Variants in CACNA1D observed in about 807,000 individuals in gnomAD.
CACNA1D encodes voltage-dependent L-type calcium channel subunit alpha-1D.
In CACNA1D, 55 loss-of-function variants were observed where a neutral mutation model predicts 257.1. The ratio of observed to expected loss-of-function variants is 0.21; its 90% CI spans 0.17 to 0.27. The LOEUF (loss-of-function observed/expected upper bound fraction) is 0.27, where lower values mean the gene tolerates loss of function less well. Among genes scored for constraint, CACNA1D ranks in the 10% least tolerant of loss-of-function variants. The pLI is 1.00. For synonymous variants in CACNA1D, 980 were observed against 1,014.9 expected (o/e 0.97, Z 0.65); for missense variants, 1,876 against 2,784.0 (o/e 0.67, Z 7.34).
rs182797116 is a variant in CACNA1D, at chr3:53,769,959, T to C, written c.3871-14T>C. 1.0e-5 allele frequency: 16 copies of C among 1,606,266 alleles called. No individual in the cohort carries two copies. Among genetic ancestry groups the C allele is most frequent in the Non-Finnish European group, 1.4e-5 (16 of 1,172,756 alleles). On this transcript the variant is annotated splice_polypyrimidine_tract_variant and intron_variant, in intron 30 of 47. Transcript: ENST00000350061. ...TGGTTCATTAATCCATTTTCAATCT[T>C]TGATTTCTTAAAGCCAACTGAAAGT...
intron 7 of CACNA1D, among the ~76,000 whole-genome samples, chr3:53,672,197 C>T (rs368522723): frequency 3.5e-4 from 54 of 152,306 alleles, no homozygotes; most frequent in African/African-American, 1.2e-3. Context: ...CCTTTCACCT[C>T]TAAACCCAGT....
chr3:53,718,042 T>C (rs2094838246), intron 9 of CACNA1D, among the ~76,000 whole-genome samples: 1 of 152,170 alleles, frequency 6.6e-6, no homozygotes, highest in African/African-American at 2.4e-5. Context: ...TAGCTTCCTT[T>C]CTTGGAAATG....
intron 3 of CACNA1D, among the ~76,000 whole-genome samples, chr3:53,535,878 A>G (rs2107485931): frequency 6.6e-6 from 1 of 152,338 alleles, no homozygotes; most frequent in African/African-American, 2.4e-5. Flanking sequence ...ATTTTAGCAC[A>G]GAGATAGCAT....
At chr3:53,783,262 T>A (rs987771721) in intron 39 of CACNA1D, among the ~76,000 whole-genome samples, 1 of 152,066 alleles carries the variant, frequency 6.6e-6, no homozygotes, top group Non-Finnish European at 1.5e-5. Flanking sequence ...CCTCGGAGGG[T>A]GTCATTTGCA....
At chr3:53,624,538 G>T (rs1273852197) in intron 3 of CACNA1D, among the ~76,000 whole-genome samples, 1 of 152,050 alleles carries the variant, frequency 6.6e-6, no homozygotes, top group Non-Finnish European at 1.5e-5. Flanking sequence ...CCCTCTCCCT[G>T]CCAGCCCCAG....
At chr3:53,613,030 G>A (rs1189684026) in intron 3 of CACNA1D, among the ~76,000 whole-genome samples, 1 of 152,078 alleles carries the variant, frequency 6.6e-6, no homozygotes, top group African/African-American at 2.4e-5. Context: ...AGGATTAAAG[G>A]GAAATTTCAG....
intron 3 of CACNA1D, among the ~76,000 whole-genome samples, chr3:53,533,625 C>T (rs1035060898): frequency 1.3e-5 from 2 of 152,200 alleles, no homozygotes; most frequent in African/African-American, 4.8e-5. Context: ...GCAGCACTCA[C>T]TCTTCTTTGT....
At chr3:53,727,901 G>GC (rs2094951294) in intron 15 of CACNA1D, among the ~76,000 whole-genome samples, 1 of 151,966 alleles carries the variant, frequency 6.6e-6, no homozygotes, top group African/African-American at 2.4e-5. Context: ...GTGCAAACCT[G>GC]CCCCCTTTTC....
At chr3:53,656,291 A>C (rs931234053) in intron 4 of CACNA1D, among the ~76,000 whole-genome samples, 1 of 152,142 alleles carries the variant, frequency 6.6e-6, no homozygotes, top group South Asian at 2.1e-4. Context: ...GAATTAAAAA[A>C]ATTTTTTTTC....
chr3:53,538,295 A>G (rs76105968), intron 3 of CACNA1D, among the ~76,000 whole-genome samples: 1 of 151,742 alleles, frequency 6.6e-6, no homozygotes, highest in African/African-American at 2.4e-5. Context: ...CTACAGGCGC[A>G]CGCCACCATG....
At chr3:53,534,490 G>A (rs979939428) in intron 3 of CACNA1D, among the ~76,000 whole-genome samples, 19 of 152,170 alleles carry the variant, frequency 1.2e-4, no homozygotes, top group African/African-American at 4.6e-4. Context: ...CTGCCTGGGA[G>A]GGCGGCTAGG....
Position 53,749,376 on chromosome 3 carries a change from CT to C in CACNA1D, c.3425del (p.Phe1142SerfsTer2). 1 of 1,611,536 alleles carries C rather than the reference CT, an allele frequency of 6.2e-7. No individual in the cohort carries two copies. Among genetic ancestry groups the C allele is most frequent in the Non-Finnish European group, 8.5e-7 (1 of 1,177,648 alleles). ...TCATCTACATCATCATTGTAGCTTT[CT>C]TCATGATGAACATCTTTGTGGGCTT... ...FIIYIIIVAF[F>X]MMNIFVGFVI... On this transcript the variant is annotated frameshift_variant, in exon 27 of 48. Coordinates refer to ENST00000350061, the MANE Select transcript of CACNA1D (RefSeq NM_001128840.3). LOFTEE classifies it high-confidence loss of function.
intron 7 of CACNA1D, among the ~76,000 whole-genome samples, chr3:53,672,259 A>T (rs1401378527): frequency 6.6e-6 from 1 of 152,214 alleles, no homozygotes; most frequent in African/African-American, 2.4e-5. Flanking sequence ...ATCAAAGCTA[A>T]GTGTGGAGAA....
intron 8 of CACNA1D, among the ~76,000 whole-genome samples, chr3:53,700,039 T>G (rs546866238): frequency 6.7e-6 from 1 of 149,846 alleles, no homozygotes; most frequent in African/African-American, 2.4e-5. Context: ...CATTTTATAA[T>G]GTATGTAATT....
At chr3:53,634,597 G>GAA (rs760449751) in intron 3 of CACNA1D, among the ~76,000 whole-genome samples, 1 of 152,212 alleles carries the variant, frequency 6.6e-6, no homozygotes, top group Non-Finnish European at 1.5e-5. Context: ...CAATGTCCTA[G>GAA]AATCCTCCAG....
In CACNA1D at chr3:53,625,888, G is replaced by T. The variant is rs534946357; in HGVS notation, c.484-24891G>T. ...AGGGTATTCAATGCAGAAAGGACCT[G>T]AAGATCCATGGAGGTCATGTGGTCC... On this transcript the variant is annotated intron_variant, in intron 3 of 47. Transcript: ENST00000350061. Among the ~76,000 whole-genome samples the T allele has an allele frequency of 2.6e-5, 4 of 152,310 alleles. No homozygotes were observed. In the East Asian group the frequency reaches 7.7e-4, roughly 29 times the overall value.
At chr3:53,628,491 A>G (rs2093785447) in intron 3 of CACNA1D, among the ~76,000 whole-genome samples, 1 of 152,200 alleles carries the variant, frequency 6.6e-6, no homozygotes, top group Admixed American at 6.5e-5. Context: ...TGCAGAAACT[A>G]TTATTTTAAC....
intron 29 of CACNA1D, among the ~76,000 whole-genome samples, 189 bp downstream of exon 29, chr3:53,753,871 A>T (rs532103419): frequency 9.2e-5 from 14 of 152,364 alleles, no homozygotes; most frequent in African/African-American, 2.9e-4. Context: ...GCAAGAACAA[A>T]ACCTCATGAA....
intron 3 of CACNA1D, among the ~76,000 whole-genome samples, chr3:53,593,377 T>C (rs2093331999): frequency 1.3e-5 from 2 of 152,210 alleles, no homozygotes; most frequent in Admixed American, 1.3e-4. Context: ...CTGGGAATTG[T>C]TTTAGGCCCA....
Sources: allele counts gnomAD v4.1 joint callset (sites outside exome capture counted in the v4.1 genomes callset), GRCh38; gene constraint gnomAD v4.1.1; transcripts MANE v1.5; gene names NCBI Gene and HGNC (gene_info 2026-07-23, HGNC 2026-07-21).